The following GUCY1A2 variants were observed in gnomAD, a reference collection of about 807,000 sequenced individuals.
GUCY1A2 encodes the protein guanylate cyclase 1 soluble subunit alpha 2.
Under a neutral mutation model 63.5 loss-of-function variants are expected in GUCY1A2, and 27 were observed. That is an observed-to-expected ratio of 0.43 (90% CI 0.31 to 0.59). The LOEUF (loss-of-function observed/expected upper bound fraction) is 0.59, where lower values mean the gene tolerates loss of function less well. Ranked by LOEUF, GUCY1A2 falls within the 20% of genes least tolerant of loss-of-function variation. The probability of loss-of-function intolerance (pLI) is 0.11; values close to 1 mark genes in which losing one functional copy is unlikely to be tolerated. For synonymous variants in GUCY1A2, 364 were observed against 343.5 expected (o/e 1.06, Z -0.66); for missense variants, 768 against 913.3 (o/e 0.84, Z 2.05).
At chr11:106,839,254 T>C (rs1386810179) in intron 4 of GUCY1A2, among the ~76,000 whole-genome samples, 1 of 152,046 alleles carries the variant, frequency 6.6e-6, no homozygotes, top group African/African-American at 2.4e-5. Flanking sequence ...ATTTCTTGTT[T>C]TTGTCAGGTT....
At chr11:106,850,892 T>C (rs1033321644) in intron 4 of GUCY1A2, among the ~76,000 whole-genome samples, 4 of 151,928 alleles carry the variant, frequency 2.6e-5, no homozygotes, top group Non-Finnish European at 5.9e-5. Context: ...GGCAGTTCTA[T>C]TTATAGTTTT....
At chr11:106,888,093 T>C (rs558044634) in intron 4 of GUCY1A2, among the ~76,000 whole-genome samples, 1 of 152,192 alleles carries the variant, frequency 6.6e-6, no homozygotes, top group African/African-American at 2.4e-5. Flanking sequence ...CAATCACCTG[T>C]GCCTACACAG....
At chr11:106,765,934 T>C (rs1003960078) in intron 6 of GUCY1A2, among the ~76,000 whole-genome samples, 1 of 152,166 alleles carries the variant, frequency 6.6e-6, no homozygotes, top group African/African-American at 2.4e-5. Flanking sequence ...GGAATCTACA[T>C]GTAAATTTGG....
At chr11:106,913,144 A>T (rs766019703) in intron 4 of GUCY1A2, among the ~76,000 whole-genome samples, 4 of 151,588 alleles carry the variant, frequency 2.6e-5, no homozygotes, top group Non-Finnish European at 4.4e-5. Flanking sequence ...TATATATATA[A>T]AAGCAATCAA....
chr11:106,709,963 TATAATATA>T (rs1398678224), intron 6 of GUCY1A2, among the ~76,000 whole-genome samples: 49 of 124,554 alleles, frequency 3.9e-4, no homozygotes, highest in African/African-American at 1.4e-3. Flanking sequence ...TATAGTTATA[TATAATATA>T]GTTATATACA....
At chr11:106,931,122 A>G (rs7936014) in intron 4 of GUCY1A2, among the ~76,000 whole-genome samples, 4,926 of 152,340 alleles carry the variant, frequency 0.032, 260 homozygotes, top group African/African-American at 0.11. Flanking sequence ...TACCTTTTAA[A>G]GACAATATCA....
intron 4 of GUCY1A2, among the ~76,000 whole-genome samples, chr11:106,840,108 T>G (rs1300872506): frequency 6.6e-6 from 1 of 151,968 alleles, no homozygotes; most frequent in Non-Finnish European, 1.5e-5. Flanking sequence ...TAAGAAGTCA[T>G]TCTTTCAGTT....
intron 4 of GUCY1A2, among the ~76,000 whole-genome samples, chr11:106,882,881 G>C (rs1859845075): frequency 6.6e-6 from 1 of 151,914 alleles, no homozygotes; most frequent in Non-Finnish European, 1.5e-5. Context: ...TTCTCATTCT[G>C]AAACTATAAA....
intron 4 of GUCY1A2, among the ~76,000 whole-genome samples, chr11:106,817,709 G>T (rs889593338): frequency 3.3e-5 from 5 of 151,962 alleles, no homozygotes; most frequent in Non-Finnish European, 7.4e-5. Context: ...TTTCTCAAAA[G>T]AAGACATACA....
At chr11:106,901,079 T>C (rs1360050441) in intron 4 of GUCY1A2, among the ~76,000 whole-genome samples, 4 of 152,212 alleles carry the variant, frequency 2.6e-5, no homozygotes, top group Non-Finnish European at 4.4e-5. Flanking sequence ...TCTTTCACAA[T>C]TGGAGTCAAT....
rs1386676984 is a variant in GUCY1A2 at position 106,725,233 on chromosome 11, C to T, written c.1837-16567G>A. 5.3e-4 allele frequency among the ~76,000 whole-genome samples: 19 copies of T among 35,536 alleles called. 6 individuals are homozygous for T. Among genetic ancestry groups the T allele is most frequent in the Non-Finnish European group, 9.4e-4 (17 of 17,998 alleles). 23.3% of individuals were successfully genotyped at this position (35,536 alleles called of 152,430 possible). On this transcript the variant is annotated intron_variant, in intron 6 of 7. Transcript: ENST00000526355. ...TGTCGCCCAGGCTGGAGTGCAGTGG[C>T]GGGATCTCGGCTCACTGGAGGCTCC...
At chr11:106,996,891 C>T (rs574961089) in intron 1 of GUCY1A2, among the ~76,000 whole-genome samples, 15 of 152,062 alleles carry the variant, frequency 9.9e-5, no homozygotes, top group Admixed American at 3.9e-4. Context: ...ATGATCCAAA[C>T]GGATATAAAA....
At chr11:106,922,776 A>G (rs977722269) in intron 4 of GUCY1A2, among the ~76,000 whole-genome samples, 1 of 149,686 alleles carries the variant, frequency 6.7e-6, no homozygotes, top group Admixed American at 6.7e-5. Flanking sequence ...GTAGTTAATG[A>G]TAAGAGATTC....
At chr11:106,812,407 T>C (rs893078380) in intron 4 of GUCY1A2, among the ~76,000 whole-genome samples, 1 of 151,698 alleles carries the variant, frequency 6.6e-6, no homozygotes, top group African/African-American at 2.4e-5. Context: ...CCTCCTCTCT[T>C]TATTTGGTGT....
intron 5 of GUCY1A2, among the ~76,000 whole-genome samples, chr11:106,797,759 T>C (rs1456409023): frequency 6.6e-6 from 1 of 152,122 alleles, no homozygotes; most frequent in Non-Finnish European, 1.5e-5. Context: ...CTGGGACACA[T>C]TCAAAGCAGT....
intron 4 of GUCY1A2, among the ~76,000 whole-genome samples, chr11:106,875,731 T>G (rs1317588896): frequency 6.6e-6 from 1 of 151,984 alleles, no homozygotes; most frequent in African/African-American, 2.4e-5. Context: ...TCAATTAGAG[T>G]TGGAGAAGGG....
intron 4 of GUCY1A2, among the ~76,000 whole-genome samples, chr11:106,870,923 A>C (rs897774670): frequency 6.6e-6 from 1 of 152,164 alleles, no homozygotes; most frequent in African/African-American, 2.4e-5. Flanking sequence ...GCTTTCTCCT[A>C]GGACTACAGG....
chr11:106,936,748 C>A, intron 4 of GUCY1A2: 2 of 1,261,606 alleles, frequency 1.6e-6, no homozygotes, highest in Non-Finnish European at 1.1e-6. Flanking sequence ...CGTAGTGGTT[C>A]ATTGGTATTA....
rs569360253 is a variant in GUCY1A2, at chr11:106,762,243, T to G, written c.1836+14196A>C. The stretch of plus-strand genomic sequence containing the variant: ...AAGTCAATGTATTTACTTATTTATA[T>G]GTGAGGTAAAAGACATGGCAAAAAG... On this transcript the variant is annotated intron_variant, in intron 6 of 7. Transcript: ENST00000526355. 1.4e-3 allele frequency among the ~76,000 whole-genome samples: 213 copies of G among 152,210 alleles called. 1 individual carries two copies. The highest frequency in any genetic ancestry group is 4.6e-3 in the African/African-American group (193 of 41,572).
Sources: allele counts gnomAD v4.1 joint callset (sites outside exome capture counted in the v4.1 genomes callset), GRCh38; gene constraint gnomAD v4.1.1; transcripts MANE v1.5; gene names NCBI Gene and HGNC (gene_info 2026-07-23, HGNC 2026-07-21).